The following DISC1 variants were observed in gnomAD, a reference collection of about 807,000 sequenced individuals.
DISC1 encodes disrupted in schizophrenia 1 protein.
Under a neutral mutation model 84.5 loss-of-function variants are expected in DISC1, and 57 were observed. That is an observed-to-expected ratio of 0.67 (90% CI 0.55 to 0.84). DISC1 has a LOEUF of 0.84. DISC1 is among the 40% of genes least tolerant of loss of function. The pLI, the probability that DISC1 is intolerant of heterozygous loss-of-function variation, is 0.00. For synonymous variants in DISC1, 411 were observed against 415.2 expected (o/e 0.99, Z 0.12); for missense variants, 1,000 against 1,057.8 (o/e 0.95, Z 0.76).
chr1:231,799,118 G>A (rs1312687572), intron 7 of DISC1, among the ~76,000 whole-genome samples: 1 of 151,930 alleles, frequency 6.6e-6, no homozygotes, highest in Non-Finnish European at 1.5e-5. Flanking sequence ...AAAGACATTT[G>A]GAAAAAGAAA....
rs547948467 is a variant in DISC1, at chr1:231,778,304, A to C, written c.1634+7234A>C. Reference sequence around the variant, plus strand: ...ACTGGTATTACTTGTCTGTGAAAAGAGGGTTTGAACTGGGTGGCGTGGAAG... The same window carrying C: ...ACTGGTATTACTTGTCTGTGAAAAGCGGGTTTGAACTGGGTGGCGTGGAAG... On this transcript the variant is annotated intron_variant, in intron 6 of 12. Transcript: ENST00000439617. 2.6e-5 allele frequency among the ~76,000 whole-genome samples: 4 copies of C among 152,326 alleles called. No individual in the cohort carries two copies. The South Asian group carries it at 8.3e-4, about 32-fold the overall frequency.
chr1:231,863,878 C>T lies in DISC1; in HGVS notation c.1981+45361C>T, dbSNP rs149301965. 1.0e-4 allele frequency among the ~76,000 whole-genome samples: 14 copies of T among 134,512 alleles called. No individual in the cohort carries two copies. In the East Asian group the frequency reaches 3.1e-3, roughly 30 times the overall value. The allele number at this position is 134,512 out of a possible 152,430, so 88.2% of individuals were successfully genotyped here. ...TAGATCAGAAGTCCATGAGCGGAAA[C>T]TCAGAATCAAAGCGGTTATTCAATT... On this transcript the variant is annotated intron_variant, in intron 9 of 12. Transcript: ENST00000439617.
intron 7 of DISC1, among the ~76,000 whole-genome samples, chr1:231,798,113 C>CCACACACACACACACACACACACA (rs113265676): frequency 3.9e-4 from 57 of 147,182 alleles, no homozygotes; most frequent in African/African-American, 1.3e-3. Context: ...GTTAGACACA[C>CCACACACACACACACACACACACA]CACACACACA....
chr1:231,648,312 T>C (rs1032735246), intron 1 of DISC1, among the ~76,000 whole-genome samples: 1 of 152,258 alleles, frequency 6.6e-6, no homozygotes, highest in Non-Finnish European at 1.5e-5. Flanking sequence ...TCTGTTGAGA[T>C]AATCATGTGT....
At chr1:231,793,287 A>G (rs2078493478) in intron 6 of DISC1, among the ~76,000 whole-genome samples, 1 of 152,126 alleles carries the variant, frequency 6.6e-6, no homozygotes, top group African/African-American at 2.4e-5. Context: ...TTCCTTTTGC[A>G]GGTCATCATT....
Position 231,770,783 on chromosome 1 carries a change from T to A in DISC1, c.1399-52T>A, listed in dbSNP as rs1287773300. 10 of 1,583,818 alleles carry A rather than the reference T, an allele frequency of 6.3e-6. No homozygotes were observed. In the East Asian group the frequency reaches 2.3e-4, roughly 36 times the overall value. On this transcript the variant is annotated intron_variant, in intron 5 of 12. Coordinates refer to ENST00000439617, the MANE Select transcript of DISC1 (RefSeq NM_018662.3). ...AAACGAGTCATTATCCTCAGAGCAG[T>A]TTGCCATGAGCAGGGTTAATTTATA...
At chr1:232,017,704 C>T (rs1369213442) in intron 11 of DISC1, among the ~76,000 whole-genome samples, 3 of 152,086 alleles carry the variant, frequency 2.0e-5, no homozygotes, top group Non-Finnish European at 4.4e-5. Flanking sequence ...CTCCCCTGCA[C>T]CACTGATCCC....
chr1:231,658,486 A>G (rs905013386), intron 1 of DISC1, among the ~76,000 whole-genome samples: 7 of 152,242 alleles, frequency 4.6e-5, no homozygotes, highest in Admixed American at 4.6e-4. Flanking sequence ...CTCTTATCTG[A>G]TTGCCCTGGC....
chr1:231,936,757 G>T (rs2091003711), intron 9 of DISC1, among the ~76,000 whole-genome samples: 1 of 152,150 alleles, frequency 6.6e-6, no homozygotes. Flanking sequence ...TAATTAAGAA[G>T]GAGCCCATAG....
At chr1:231,979,879 TA>T (rs1348081376) in intron 10 of DISC1, among the ~76,000 whole-genome samples, 2 of 152,150 alleles carry the variant, frequency 1.3e-5, no homozygotes, top group African/African-American at 4.8e-5. Flanking sequence ...CGCAGAGTTT[TA>T]AAACCACTGT....
intron 9 of DISC1, among the ~76,000 whole-genome samples, chr1:231,898,986 A>C (rs1035211061): frequency 6.6e-6 from 1 of 151,952 alleles, no homozygotes; most frequent in African/African-American, 2.4e-5. Flanking sequence ...CAAAAAACAA[A>C]AAAAAAAGAA....
At chr1:231,645,005 C>A (rs1385208935) in intron 1 of DISC1, among the ~76,000 whole-genome samples, 2 of 151,920 alleles carry the variant, frequency 1.3e-5, no homozygotes, top group Admixed American at 1.3e-4. Flanking sequence ...CAGCCACCAG[C>A]CTCTTTCTGT....
At chr1:231,974,006 T>G (rs1352586881) in intron 10 of DISC1, among the ~76,000 whole-genome samples, 1 of 150,080 alleles carries the variant, frequency 6.7e-6, no homozygotes, top group South Asian at 2.1e-4. Context: ...TGACGGGGAT[T>G]TTTTTTTTTC....
intron 6 of DISC1, 127 bp downstream of exon 6, chr1:231,771,197 C>A: frequency 6.9e-7 from 1 of 1,454,214 alleles, no homozygotes; most frequent in Non-Finnish European, 9.1e-7. Flanking sequence ...GTGGAAGCAC[C>A]ATTGGTGTTT....
chr1:231,776,636 A>G (rs1174287901), intron 6 of DISC1, among the ~76,000 whole-genome samples: 1 of 152,212 alleles, frequency 6.6e-6, no homozygotes, highest in African/African-American at 2.4e-5. Context: ...AGGGTGCTGC[A>G]GGCATCCTCA....
Position 232,041,144 on chromosome 1 carries a change from T to G in DISC1, c.*4313T>G, listed in dbSNP as rs1237595427. On this transcript the variant is annotated 3_prime_UTR_variant, in exon 13 of 13. Transcript: ENST00000439617. ...TCCAAGGCATGGTGCATCTTGATGA[T>G]TTTTTGTCCTTTGAAGTATGGATGA... 6.6e-6 allele frequency: 1 copy of G among 152,244 alleles called. No homozygotes were observed. The highest frequency in any genetic ancestry group is 1.9e-4 in the East Asian group (1 of 5,204). The allele number at this position is 152,244 out of a possible 1,614,324, so 9.4% of individuals were successfully genotyped here.
At chr1:232,026,905 C>T (rs567800148) in intron 12 of DISC1, among the ~76,000 whole-genome samples, 78 of 151,698 alleles carry the variant, frequency 5.1e-4, no homozygotes, top group Middle Eastern at 3.4e-3. Context: ...CCCGCCAGCA[C>T]GCCCAGCTAA....
intron 10 of DISC1, among the ~76,000 whole-genome samples, chr1:231,991,172 A>G (rs1009824227): frequency 3.3e-5 from 5 of 152,192 alleles, no homozygotes; most frequent in African/African-American, 4.8e-5. Flanking sequence ...TGACCTACAC[A>G]TTTGTCAGAT....
chr1:231,689,400 C>T (rs1977796), intron 1 of DISC1, among the ~76,000 whole-genome samples: 57,371 of 151,588 alleles, frequency 0.38, 11,265 homozygotes, highest in African/African-American at 0.49. Flanking sequence ...GGTGTGGTCT[C>T]GGCTCACTGC....
Sources: allele counts gnomAD v4.1 joint callset (sites outside exome capture counted in the v4.1 genomes callset), GRCh38; gene constraint gnomAD v4.1.1; transcripts MANE v1.5; gene names NCBI Gene and HGNC (gene_info 2026-07-23, HGNC 2026-07-21).